Variants in SCNN1B observed in about 807,000 individuals in gnomAD.
SCNN1B encodes the protein sodium channel epithelial 1 subunit beta.
SCNN1B carries 46 observed loss-of-function variants against 65.3 expected under a neutral mutation model. That is an observed-to-expected ratio of 0.70 (90% CI 0.56 to 0.90). The LOEUF (loss-of-function observed/expected upper bound fraction) is 0.90, where lower values mean the gene tolerates loss of function less well. SCNN1B is among the 40% of genes least tolerant of loss of function. SCNN1B has a pLI of 0.00. For missense variants in SCNN1B, 751 were observed against 830.5 expected (o/e 0.90, Z 1.18); for synonymous variants, 349 against 330.6 (o/e 1.06, Z -0.60).
intron 1 of SCNN1B, among the ~76,000 whole-genome samples, chr16:23,312,351 A>T (rs770039419): frequency 3.3e-5 from 5 of 152,114 alleles, no homozygotes; most frequent in Non-Finnish European, 5.9e-5. Context: ...TTTGTTTAAC[A>T]GTTAAGAGTT....
chr16:23,361,904 G>T (rs533873941), intron 4 of SCNN1B, among the ~76,000 whole-genome samples: 1 of 151,888 alleles, frequency 6.6e-6, no homozygotes, highest in Non-Finnish European at 1.5e-5. Context: ...TGTAGAGATG[G>T]GGTCTCCCTA....
intron 3 of SCNN1B, chr16:23,353,277 C>T (rs1384467893): frequency 1.6e-6 from 1 of 622,128 alleles, no homozygotes; most frequent in Non-Finnish European, 2.8e-6. Flanking sequence ...TGATCCAGCT[C>T]ACACTAGCTT....
chr16:23,329,005 G>T (rs1961753272), intron 1 of SCNN1B, among the ~76,000 whole-genome samples: 1 of 152,000 alleles, frequency 6.6e-6, no homozygotes, highest in African/African-American at 2.4e-5. Flanking sequence ...ACGCTGTCTT[G>T]CCCAGGCTGG....
At chr16:23,332,289 G>T (rs542319512) in intron 1 of SCNN1B, among the ~76,000 whole-genome samples, 10 of 151,588 alleles carry the variant, frequency 6.6e-5, no homozygotes, top group Non-Finnish European at 1.2e-4. Context: ...TCTGCCTCCC[G>T]AGTTCAAGCG....
At chr16:23,288,544 T>C (rs374514778) in intron 2 of SCNN1B, among the ~76,000 whole-genome samples, 2 of 152,164 alleles carry the variant, frequency 1.3e-5, no homozygotes, top group East Asian at 3.8e-4. Flanking sequence ...GGCTCACACC[T>C]GTAAATCTCA....
At chr16:23,335,429 G>A (rs934148210) in intron 1 of SCNN1B, among the ~76,000 whole-genome samples, 1 of 151,582 alleles carries the variant, frequency 6.6e-6, no homozygotes, top group Non-Finnish European at 1.5e-5. Flanking sequence ...TGGGATTATA[G>A]GAGTGAGCCA....
chr16:23,323,629 T>C lies in SCNN1B; in HGVS notation c.-9+21192T>C, dbSNP rs552318926. ...AGTGAGTAAGTGACCCAACTGGGGT[T>C]TGAACCCAACTTCTTAACCACTACC... On this transcript the variant is annotated intron_variant, in intron 1 of 12. Coordinates refer to ENST00000343070, the MANE Select transcript of SCNN1B (RefSeq NM_000336.3). 7.3e-5 allele frequency: 51 copies of C among 702,686 alleles called. No homozygotes were observed. In the East Asian group the frequency reaches 1.4e-3, roughly 19 times the overall value. The allele number at this position is 702,686 out of a possible 1,614,324, so 43.5% of individuals were successfully genotyped here.
chr16:23,303,162 G>A (rs752390126), intron 1 of SCNN1B, among the ~76,000 whole-genome samples: 2 of 152,186 alleles, frequency 1.3e-5, no homozygotes, highest in Non-Finnish European at 2.9e-5. Flanking sequence ...TGGAGGGAAA[G>A]GGTCTGGGAT....
In SCNN1B at chr16:23,375,791, C is replaced by T. The variant is rs749411266; in HGVS notation, c.1206C>T (p.Gly402=). The T allele has an allele frequency of 6.2e-7, 1 of 1,614,160 alleles. No homozygotes were observed. The highest frequency in any genetic ancestry group is 8.5e-7 in the Non-Finnish European group (1 of 1,179,976). The change falls in exon 8 of 13, where the codon GGC becomes GGT. Residue 402 remains glycine, a synonymous_variant. Transcript: ENST00000343070. ...ACATGATCCGTAACTGCAACTGTGGCCACTACCTGTACCCACTGCCCCGTG... is the reference window on the plus strand; with the variant it reads ...ACATGATCCGTAACTGCAACTGTGGTCACTACCTGTACCCACTGCCCCGTG... The part of the protein sequence containing the change: ...QDHMIRNCNC[G]HYLYPLPRGE...
chr16:23,315,212 C>T (rs1292969046), intron 1 of SCNN1B, among the ~76,000 whole-genome samples: 3 of 152,106 alleles, frequency 2.0e-5, no homozygotes, highest in Admixed American at 2.0e-4. Context: ...TGGTGCATGC[C>T]TGTAGTCCCA....
chr16:23,358,334 G>A (rs1334766164), intron 4 of SCNN1B: 1 of 152,140 alleles, frequency 6.6e-6, no homozygotes, highest in Non-Finnish European at 1.5e-5. Flanking sequence ...ATGTGCGAGG[G>A]GTAGGGGGTA....
At chr16:23,291,535 T>C (rs1272290658) in intron 2 of SCNN1B, among the ~76,000 whole-genome samples, 4 of 151,846 alleles carry the variant, frequency 2.6e-5, no homozygotes, top group African/African-American at 9.7e-5. Flanking sequence ...ATTTAGTTTG[T>C]ATCCTTCTAA....
At chr16:23,296,808 T>C (rs1961003799) in intron 2 of SCNN1B, among the ~76,000 whole-genome samples, 1 of 152,002 alleles carries the variant, frequency 6.6e-6, no homozygotes, top group African/African-American at 2.4e-5. Flanking sequence ...GGGACCATTC[T>C]GGCCAATATA....
chr16:23,288,203 T>C (rs1228121332), intron 2 of SCNN1B, among the ~76,000 whole-genome samples: 1 of 152,102 alleles, frequency 6.6e-6, no homozygotes. Flanking sequence ...TTTTTTTTCT[T>C]CTTTTATTAG....
chr16:23,364,097 C>A (rs904055595), intron 4 of SCNN1B, among the ~76,000 whole-genome samples: 1 of 151,460 alleles, frequency 6.6e-6, no homozygotes, highest in African/African-American at 2.4e-5. Context: ...AACGGGGAGG[C>A]AGAGGCTGTA....
intron 1 of SCNN1B, among the ~76,000 whole-genome samples, chr16:23,325,018 T>G: frequency 6.6e-6 from 1 of 152,180 alleles, no homozygotes; most frequent in South Asian, 2.1e-4. Flanking sequence ...AGCTGAGTGC[T>G]CTGGCAATAA....
chr16:23,352,653 T>C (rs1490369791), intron 2 of SCNN1B, 148 bp from the exon 3 acceptor site: 3 of 890,354 alleles, frequency 3.4e-6, no homozygotes, highest in Admixed American at 1.9e-5. Context: ...GAGTCAATTA[T>C]ACCTCTTCTG....
At chr16:23,364,692 CT>C (rs1039769826) in intron 4 of SCNN1B, among the ~76,000 whole-genome samples, 57 of 152,270 alleles carry the variant, frequency 3.7e-4, no homozygotes, top group African/African-American at 1.4e-3. Context: ...GGTGGACAGA[CT>C]AAAGTCACAT....
intron 1 of SCNN1B, among the ~76,000 whole-genome samples, chr16:23,309,437 TAGAC>T (rs1032430725): frequency 1.8e-4 from 25 of 140,984 alleles, no homozygotes; most frequent in Admixed American, 1.7e-3. Context: ...GATAGATAGA[TAGAC>T]AGATAGATAG....
Sources: allele counts gnomAD v4.1 joint callset (sites outside exome capture counted in the v4.1 genomes callset), GRCh38; gene constraint gnomAD v4.1.1; transcripts MANE v1.5; gene names NCBI Gene and HGNC (gene_info 2026-07-23, HGNC 2026-07-21).